The following GPR149 variants were observed in gnomAD, a reference collection of about 807,000 sequenced individuals.
GPR149 encodes the protein G protein-coupled receptor 149, also known as probable G protein-coupled receptor 149.
In GPR149, 50 loss-of-function variants were observed where a neutral mutation model predicts 50.2. The ratio of observed to expected loss-of-function variants is 1.00; its 90% CI spans 0.79 to 1.26. The LOEUF is 1.26. GPR149 is among the 50% of genes most tolerant of loss of function. The pLI, the probability that GPR149 is intolerant of heterozygous loss-of-function variation, is 0.00. For missense variants in GPR149, 983 were observed against 895.4 expected (o/e 1.10, Z -1.25); for synonymous variants, 405 against 358.2 (o/e 1.13, Z -1.48).
chr3:154,408,609 C>T (rs1711756199), intron 3 of GPR149, among the ~76,000 whole-genome samples: 1 of 152,182 alleles, frequency 6.6e-6, no homozygotes, highest in Non-Finnish European at 1.5e-5. Flanking sequence ...TAGCCATAAT[C>T]CTCTCCTTGG....
At chr3:154,413,942 G>GTATA (rs3038651) in intron 3 of GPR149, among the ~76,000 whole-genome samples, 3,780 of 147,746 alleles carry the variant, frequency 0.026, 55 homozygotes, top group African/African-American at 0.031. Context: ...AGAAATTGTA[G>GTATA]TATATATATA....
chr3:154,374,216 C>T (rs1714739873), intron 3 of GPR149, among the ~76,000 whole-genome samples: 1 of 95,318 alleles, frequency 1.0e-5, no homozygotes. Context: ...TTTCTGTTGC[C>T]CAGGCTGGAG....
intron 3 of GPR149, among the ~76,000 whole-genome samples, chr3:154,377,736 A>T (rs553324979): frequency 6.6e-6 from 1 of 152,136 alleles, no homozygotes; most frequent in Non-Finnish European, 1.5e-5. Flanking sequence ...AACTCATTGT[A>T]AAGAGTGCAG....
intron 3 of GPR149, among the ~76,000 whole-genome samples, chr3:154,388,422 C>T (rs758963791): frequency 3.3e-5 from 5 of 152,094 alleles, no homozygotes; most frequent in Non-Finnish European, 7.4e-5. Flanking sequence ...AATTTCTCTA[C>T]ATCTTTTTTC....
chr3:154,353,212 G>C, intron 3 of GPR149: 2 of 1,532,228 alleles, frequency 1.3e-6, no homozygotes, highest in Non-Finnish European at 1.8e-6. Context: ...ATAACTGCTG[G>C]CCTCTGAGAC....
intron 3 of GPR149, among the ~76,000 whole-genome samples, chr3:154,387,914 T>C (rs892352359): frequency 1.3e-5 from 2 of 152,046 alleles, no homozygotes; most frequent in African/African-American, 4.8e-5. Flanking sequence ...TTAAAAAAAC[T>C]GAAAAAATAA....
chr3:154,352,894 T>A, intron 3 of GPR149: 1 of 885,122 alleles, frequency 1.1e-6, no homozygotes, highest in Non-Finnish European at 1.9e-6. Flanking sequence ...TGTCCAGCTC[T>A]ACCTGTGCAT....
chr3:154,423,836 AATTATT>A (rs1005494668), intron 2 of GPR149, among the ~76,000 whole-genome samples: 1 of 151,610 alleles, frequency 6.6e-6, no homozygotes, highest in African/African-American at 2.4e-5. Flanking sequence ...AGGTAACATT[AATTATT>A]ATTATTATTT....
intron 3 of GPR149, among the ~76,000 whole-genome samples, chr3:154,386,339 G>A (rs1715044431): frequency 6.6e-6 from 1 of 152,174 alleles, no homozygotes; most frequent in Non-Finnish European, 1.5e-5. Context: ...AAAGACGCAA[G>A]AATGTCTGTC....
At chr3:154,361,873 T>A (rs1429008322) in intron 3 of GPR149, among the ~76,000 whole-genome samples, 1 of 152,232 alleles carries the variant, frequency 6.6e-6, no homozygotes, top group African/African-American at 2.4e-5. Context: ...AGATTGGTGC[T>A]GAACTGACCA....
intron 3 of GPR149, among the ~76,000 whole-genome samples, chr3:154,374,527 G>T (rs1203888692): frequency 6.6e-6 from 1 of 151,898 alleles, no homozygotes; most frequent in African/African-American, 2.4e-5. Context: ...TGAAGGTGAG[G>T]GCTCTCTAGT....
rs376846459 is a variant in GPR149, at chr3:154,407,194, A to G, written c.1623+13845T>C. The stretch of plus-strand genomic sequence containing the variant: ...TTGGGTGGAGACACAGCCAAACCAC[A>G]TCATGTTTTATATAGTTCTGATGCT... On this transcript the variant is annotated intron_variant, in intron 3 of 3. Coordinates refer to ENST00000389740, the MANE Select transcript of GPR149 (RefSeq NM_001038705.3). Among the ~76,000 whole-genome samples the G allele has an allele frequency of 7.9e-5, 12 of 152,290 alleles. No individual in the cohort carries two copies. In the South Asian group the frequency reaches 2.5e-3, roughly 32 times the overall value.
At chr3:154,346,961 A>G (rs909182475) in intron 3 of GPR149, among the ~76,000 whole-genome samples, 2 of 152,126 alleles carry the variant, frequency 1.3e-5, no homozygotes, top group African/African-American at 2.4e-5. Flanking sequence ...ATTGATATCC[A>G]TCCCCCAAAA....
At chr3:154,343,418 G>T (rs1349761038) in intron 3 of GPR149, among the ~76,000 whole-genome samples, 2 of 152,180 alleles carry the variant, frequency 1.3e-5, no homozygotes, top group Non-Finnish European at 2.9e-5. Context: ...GGGAGGCAGA[G>T]ATTACAAAAT....
At chr3:154,412,224 A>T (rs1711856325) in intron 3 of GPR149, among the ~76,000 whole-genome samples, 1 of 152,154 alleles carries the variant, frequency 6.6e-6, no homozygotes, top group African/African-American at 2.4e-5. Flanking sequence ...GCCATCTATG[A>T]CAAATCCACA....
intron 3 of GPR149, chr3:154,352,590 A>C: frequency 1.3e-6 from 1 of 776,826 alleles, no homozygotes; most frequent in Non-Finnish European, 2.4e-6. Context: ...CATGGTCATC[A>C]GAGGCGATCA....
intron 3 of GPR149, among the ~76,000 whole-genome samples, chr3:154,351,857 G>A (rs1347563207): frequency 6.6e-6 from 1 of 152,102 alleles, no homozygotes; most frequent in Admixed American, 6.5e-5. Flanking sequence ...TGTATAAAAT[G>A]AAGAACAAAA....
chr3:154,362,777 CT>C (rs1714443429), intron 3 of GPR149, among the ~76,000 whole-genome samples: 1 of 152,052 alleles, frequency 6.6e-6, no homozygotes, highest in Non-Finnish European at 1.5e-5. Flanking sequence ...ATTTTTGTAT[CT>C]AATTTTGTAT....
rs189967465 is a variant in GPR149, at chr3:154,419,219, T to C, written c.1623+1820A>G. Among the ~76,000 whole-genome samples the C allele has an allele frequency of 3.3e-5, 5 of 152,226 alleles. No homozygotes were observed. The East Asian group carries it at 9.6e-4, about 29-fold the overall frequency. ...GATACCTGGATTGATCAAAGTTTTA[T>C]ACTTTACATAAATCATTTTAATTTT... On this transcript the variant is annotated intron_variant, in intron 3 of 3. Transcript: ENST00000389740.
Sources: gnomAD v4.1 joint callset for allele counts (sites outside exome capture counted in the v4.1 genomes callset) on GRCh38, gnomAD v4.1.1 for gene constraint, MANE v1.5 for transcripts, NCBI Gene and HGNC (gene_info 2026-07-23, HGNC 2026-07-21) for gene names.